EYS: variants seen among roughly 807,000 people sequenced by gnomAD.
EYS encodes the protein EGF-like photoreceptor maintenance factor.
Under a neutral mutation model 282.1 loss-of-function variants are expected in EYS, and 250 were observed. The ratio of observed to expected loss-of-function variants is 0.89; its 90% CI spans 0.80 to 0.98. The LOEUF is 0.98. Ranked by LOEUF, EYS falls within the 50% of genes least tolerant of loss-of-function variation. The pLI is 0.00. For synonymous variants in EYS, 1,355 were observed against 1,282.9 expected (o/e 1.06, Z -1.20); for missense variants, 4,016 against 3,709.0 (o/e 1.08, Z -2.15).
At chr6:64,126,345 A>C (rs1773785489) in intron 31 of EYS, among the ~76,000 whole-genome samples, 1 of 151,726 alleles carries the variant, frequency 6.6e-6, no homozygotes, top group Non-Finnish European at 1.5e-5. Flanking sequence ...AAAATGTGGC[A>C]CATATACACC....
At chr6:64,879,718 A>G (rs924030626) in intron 19 of EYS, among the ~76,000 whole-genome samples, 1 of 152,086 alleles carries the variant, frequency 6.6e-6, no homozygotes, top group Non-Finnish European at 1.5e-5. Context: ...TTACAATATT[A>G]TTGACAATGA....
chr6:65,372,902 C>T (rs1765217077), intron 8 of EYS, among the ~76,000 whole-genome samples: 1 of 151,962 alleles, frequency 6.6e-6, no homozygotes, highest in African/African-American at 2.4e-5. Context: ...TTAATATCAG[C>T]TTCCTAATCT....
chr6:63,879,449 A>G (rs952623430), intron 35 of EYS, among the ~76,000 whole-genome samples: 1 of 152,204 alleles, frequency 6.6e-6, no homozygotes, highest in Non-Finnish European at 1.5e-5. Flanking sequence ...TTACAAATTC[A>G]AAGTACTAGA....
chr6:64,072,278 C>T (rs955505325), intron 32 of EYS, among the ~76,000 whole-genome samples: 2 of 152,048 alleles, frequency 1.3e-5, no homozygotes, highest in Middle Eastern at 3.4e-3. Context: ...TTTATCACTT[C>T]TGAGGACTTC....
chr6:63,816,488 T>A (rs895531972), intron 36 of EYS, among the ~76,000 whole-genome samples: 1 of 152,086 alleles, frequency 6.6e-6, no homozygotes, highest in Non-Finnish European at 1.5e-5. Flanking sequence ...TCATGGTCAG[T>A]GGGAGGGCTG....
At chr6:65,238,753 T>G (rs1766986957) in intron 12 of EYS, among the ~76,000 whole-genome samples, 1 of 151,988 alleles carries the variant, frequency 6.6e-6, no homozygotes, top group Non-Finnish European at 1.5e-5. Flanking sequence ...TAAATCTTAT[T>G]CAATGGCAAA....
chr6:65,063,527 A>T (rs529936051), intron 12 of EYS, among the ~76,000 whole-genome samples: 1 of 152,156 alleles, frequency 6.6e-6, no homozygotes, highest in Non-Finnish European at 1.5e-5. Context: ...ATCAAGTCAG[A>T]GCAGTAGCTC....
chr6:64,848,597 T>C (rs1040204581), intron 19 of EYS, among the ~76,000 whole-genome samples: 1 of 152,004 alleles, frequency 6.6e-6, no homozygotes, highest in African/African-American at 2.4e-5. Flanking sequence ...TTGTTTCCAA[T>C]GAGAATGGGA....
intron 9 of EYS, among the ~76,000 whole-genome samples, chr6:65,346,256 C>T (rs1388117013): frequency 4.0e-5 from 6 of 151,660 alleles, no homozygotes; most frequent in Non-Finnish European, 8.8e-5. Context: ...GATCACCCCA[C>T]ATTTGGCAGA....
At chr6:63,980,699 T>C (rs976086770) in intron 35 of EYS, among the ~76,000 whole-genome samples, 4 of 151,854 alleles carry the variant, frequency 2.6e-5, no homozygotes. Flanking sequence ...CAATTTCTTC[T>C]TTTGAGAAAA....
At chr6:63,730,263 C>G (rs1238420170) in intron 41 of EYS, among the ~76,000 whole-genome samples, 1 of 152,176 alleles carries the variant, frequency 6.6e-6, no homozygotes, top group Non-Finnish European at 1.5e-5. Flanking sequence ...TTGATTAGAC[C>G]ATTGCAATGT....
chr6:64,946,078 G>C (rs1030218289), intron 14 of EYS, among the ~76,000 whole-genome samples, 164 bp from the exon 15 acceptor site: 6 of 151,872 alleles, frequency 4.0e-5, no homozygotes, highest in African/African-American at 1.5e-4. Context: ...ATTTTTAAAA[G>C]CGTGTGAACA....
chr6:64,215,477 T>A (rs181409274), intron 31 of EYS, among the ~76,000 whole-genome samples: 63 of 152,186 alleles, frequency 4.1e-4, no homozygotes, highest in Non-Finnish European at 1.0e-4. Flanking sequence ...GAATATAAAA[T>A]TTTAAAATAT....
At chr6:64,473,228 A>G (rs1454814593) in intron 26 of EYS, among the ~76,000 whole-genome samples, 1 of 152,154 alleles carries the variant, frequency 6.6e-6, no homozygotes, top group African/African-American at 2.4e-5. Context: ...GTTGAAATAT[A>G]AAAGTCTAAG....
At chr6:64,747,581 T>C (rs1772600697) in intron 22 of EYS, among the ~76,000 whole-genome samples, 2 of 152,166 alleles carry the variant, frequency 1.3e-5, no homozygotes, top group East Asian at 1.9e-4. Context: ...GGTTTCACCA[T>C]GTTGGCCAGG....
intron 33 of EYS, among the ~76,000 whole-genome samples, chr6:64,062,618 G>A (rs1314810927): frequency 6.6e-6 from 1 of 150,784 alleles, no homozygotes; most frequent in Non-Finnish European, 1.5e-5. Flanking sequence ...TTGAACCCTG[G>A]AGGTGGAGGT....
intron 31 of EYS, among the ~76,000 whole-genome samples, chr6:64,148,419 C>A (rs551712768): frequency 6.6e-6 from 1 of 152,048 alleles, no homozygotes; most frequent in Non-Finnish European, 1.5e-5. Flanking sequence ...GTACACAGTC[C>A]TTATTACTTC....
intron 22 of EYS, among the ~76,000 whole-genome samples, chr6:64,724,182 G>A (rs1771678746): frequency 6.6e-6 from 1 of 152,036 alleles, no homozygotes; most frequent in Non-Finnish European, 1.5e-5. Context: ...TGTAGGTAAA[G>A]TCGGTTATAC....
chr6:64,269,834 G>GTA (rs1767881245), intron 30 of EYS, among the ~76,000 whole-genome samples: 1 of 149,420 alleles, frequency 6.7e-6, no homozygotes, highest in African/African-American at 2.4e-5. Flanking sequence ...ACATTCAAAA[G>GTA]TATATATATG....
Sources: gnomAD v4.1 joint callset for allele counts (sites outside exome capture counted in the v4.1 genomes callset) on GRCh38, gnomAD v4.1.1 for gene constraint, MANE v1.5 for transcripts, NCBI Gene and HGNC (gene_info 2026-07-23, HGNC 2026-07-21) for gene names.